The following GRIP1 variants were observed in gnomAD, a reference collection of about 807,000 sequenced individuals.
GRIP1 encodes glutamate receptor-interacting protein 1.
In GRIP1, 45 loss-of-function variants were observed where a neutral mutation model predicts 129.9. That is an observed-to-expected ratio of 0.35 (90% CI 0.27 to 0.44). The LOEUF (loss-of-function observed/expected upper bound fraction) is 0.44. Among genes scored for constraint, GRIP1 ranks in the 20% least tolerant of loss-of-function variants. The pLI is 1.00. For missense variants in GRIP1, 1,196 were observed against 1,396.8 expected (o/e 0.86, Z 2.29); for synonymous variants, 530 against 520.8 (o/e 1.02, Z -0.24).
chr12:66,963,067 T>C (rs2041945334), intron 1 of GRIP1, among the ~76,000 whole-genome samples: 1 of 152,042 alleles, frequency 6.6e-6, no homozygotes, highest in Admixed American at 6.6e-5. Context: ...TCCTAGCACT[T>C]TGGGAGGCCA....
At chr12:66,386,624 C>T (rs2056372465) in intron 19 of GRIP1, among the ~76,000 whole-genome samples, 1 of 151,918 alleles carries the variant, frequency 6.6e-6, no homozygotes, top group South Asian at 2.1e-4. Context: ...ACAGAGCGAG[C>T]CTCCGTCTCA....
intron 1 of GRIP1, among the ~76,000 whole-genome samples, chr12:66,747,929 T>A (rs944699632): frequency 6.6e-6 from 1 of 152,204 alleles, no homozygotes; most frequent in Non-Finnish European, 1.5e-5. Context: ...AAGAATACAT[T>A]ATTTATGCAT....
At chr12:66,503,648 C>T (rs1221617436) in intron 7 of GRIP1, among the ~76,000 whole-genome samples, 1 of 152,082 alleles carries the variant, frequency 6.6e-6, no homozygotes, top group Non-Finnish European at 1.5e-5. Context: ...CATACGGATT[C>T]GCCACTGGTA....
At chr12:67,027,915 A>T (rs541000113) in intron 1 of GRIP1, among the ~76,000 whole-genome samples, 2 of 152,302 alleles carry the variant, frequency 1.3e-5, no homozygotes, top group Admixed American at 1.3e-4. Flanking sequence ...TCTTGAAAAG[A>T]TCATTTAAGT....
At chr12:66,498,833 A>G (rs954097995) in intron 7 of GRIP1, among the ~76,000 whole-genome samples, 4 of 152,196 alleles carry the variant, frequency 2.6e-5, no homozygotes, top group Admixed American at 6.5e-5. Flanking sequence ...TATACCATTG[A>G]TAAGTGATAA....
chr12:66,713,297 C>A (rs746551638), intron 1 of GRIP1, among the ~76,000 whole-genome samples: 1 of 151,986 alleles, frequency 6.6e-6, no homozygotes, highest in Admixed American at 6.6e-5. Flanking sequence ...CAGTGATTTT[C>A]TTCCTCAACA....
At chr12:66,520,829 G>A (rs2060978980) in intron 5 of GRIP1, among the ~76,000 whole-genome samples, 2 of 152,148 alleles carry the variant, frequency 1.3e-5, no homozygotes, top group Admixed American at 1.3e-4. Flanking sequence ...ATGAATATCT[G>A]CAACAGCAGT....
intron 1 of GRIP1, among the ~76,000 whole-genome samples, chr12:66,709,825 G>A (rs980432613): frequency 5.3e-5 from 8 of 151,982 alleles, no homozygotes; most frequent in Admixed American, 2.6e-4. Context: ...AAGGGGATCC[G>A]TTTATAGGAA....
chr12:66,556,588 C>A (rs546911142), intron 2 of GRIP1, among the ~76,000 whole-genome samples: 1 of 150,898 alleles, frequency 6.6e-6, no homozygotes, highest in East Asian at 2.0e-4. Context: ...ATGAACCAAT[C>A]AAAAATAATA....
At chr12:66,395,174 G>A (rs1472313) in intron 16 of GRIP1, among the ~76,000 whole-genome samples, 143,093 of 152,322 alleles carry the variant, frequency 0.94, 67,856 homozygotes, top group East Asian at 1. Flanking sequence ...CGCCTTCAAC[G>A]TGATGGGTAT....
intron 2 of GRIP1, among the ~76,000 whole-genome samples, chr12:66,576,645 G>A (rs917080273): frequency 6.6e-6 from 1 of 152,188 alleles, no homozygotes; most frequent in Non-Finnish European, 1.5e-5. Flanking sequence ...ACAAAAGAGG[G>A]ATAACACCTC....
intron 1 of GRIP1, among the ~76,000 whole-genome samples, chr12:66,640,070 G>A (rs11176354): frequency 0.2 from 29,981 of 152,068 alleles, 3,077 homozygotes; most frequent in Non-Finnish European, 0.23. Context: ...CAGCTGAAGG[G>A]TCACTTCTCC....
At chr12:66,483,662 A>C (rs2059869798) in intron 7 of GRIP1, among the ~76,000 whole-genome samples, 1 of 152,178 alleles carries the variant, frequency 6.6e-6, no homozygotes. Context: ...ATTAGGTAAT[A>C]GTATTTTAAA....
intron 17 of GRIP1, 24 bp downstream of exon 17, chr12:66,394,184 T>C: frequency 1.9e-6 from 3 of 1,607,504 alleles, no homozygotes; most frequent in Non-Finnish European, 2.6e-6. Context: ...CACAGGTAAT[T>C]ATAACAGTTA....
At chr12:66,926,705 T>C (rs551220155) in intron 1 of GRIP1, among the ~76,000 whole-genome samples, 4 of 152,236 alleles carry the variant, frequency 2.6e-5, no homozygotes, top group Non-Finnish European at 5.9e-5. Flanking sequence ...GGGCAATTTG[T>C]GAGGTGCCCA....
chr12:66,517,138 G>A (rs768882820), intron 6 of GRIP1, among the ~76,000 whole-genome samples: 1 of 152,128 alleles, frequency 6.6e-6, no homozygotes, highest in Non-Finnish European at 1.5e-5. Flanking sequence ...GGAGGAATCA[G>A]TGCATTTTCC....
Position 66,444,178 on chromosome 12 carries a change from G to A in GRIP1, c.1687+406C>T, listed in dbSNP as rs115503579. ...CCCCAAACCTCCTAAACAAAAGCAG[G>A]TTCAGCATATAAAATAGTTTCCTCT... On this transcript the variant is annotated intron_variant, in intron 13 of 24. Transcript: ENST00000359742. 2.3e-3 allele frequency among the ~76,000 whole-genome samples: 347 copies of A among 152,254 alleles called. 2 individuals are homozygous for A. Among genetic ancestry groups the A allele is most frequent in the African/African-American group, 8.0e-3 (334 of 41,550 alleles).
At chr12:66,817,902 G>A (rs1234060111) in intron 1 of GRIP1, among the ~76,000 whole-genome samples, 1 of 152,120 alleles carries the variant, frequency 6.6e-6, no homozygotes, top group Non-Finnish European at 1.5e-5. Flanking sequence ...ACATTTTAAT[G>A]TCAGATTCTA....
At chr12:66,950,712 C>T (rs992540390) in intron 1 of GRIP1, among the ~76,000 whole-genome samples, 26 of 151,908 alleles carry the variant, frequency 1.7e-4, no homozygotes, top group Non-Finnish European at 3.4e-4. Context: ...TACTAGATCA[C>T]AAGGTAAACC....
Sources: allele counts gnomAD v4.1 joint callset (sites outside exome capture counted in the v4.1 genomes callset), GRCh38; gene constraint gnomAD v4.1.1; transcripts MANE v1.5; gene names NCBI Gene and HGNC (gene_info 2026-07-23, HGNC 2026-07-21).